Variants in RAPGEF2 observed in about 807,000 individuals in gnomAD.
The protein encoded by RAPGEF2 is PDZ domain containing guanine nucleotide exchange factor (GEF) 1.
RAPGEF2 carries 54 observed loss-of-function variants against 186.7 expected under a neutral mutation model. That is an observed-to-expected ratio of 0.29 (90% CI 0.23 to 0.36). The LOEUF (loss-of-function observed/expected upper bound fraction) is 0.36. Among genes scored for constraint, RAPGEF2 ranks in the 10% least tolerant of loss-of-function variants. The pLI is 1.00. For missense variants in RAPGEF2, 1,532 were observed against 2,045.0 expected, an observed-to-expected ratio of 0.75 and a Z score of 4.84; for synonymous variants, 712 against 705.9, an observed-to-expected ratio of 1.01 and a Z score of -0.14.
Position 159,193,246 on chromosome 4 carries a change from G to A in RAPGEF2, c.187G>A (p.Val63Ile). Residue 63 changes from valine to isoleucine, a missense_variant, in exon 3 of 30, where the codon GTT (valine) becomes ATT (isoleucine). This residue lies in a region of RAPGEF2 where 810 missense variants were observed against 1,210.5 expected (regional missense o/e 0.67). Coordinates refer to ENST00000691494, the MANE Select transcript of RAPGEF2 (RefSeq NM_001394067.2). ...ATATGAGAGACACGAAGCAAATGAAGTTTTATACTAGTAGGTGTTTCCTTT... is the reference window on the plus strand; with the variant it reads ...ATATGAGAGACACGAAGCAAATGAAATTTTATACTAGTAGGTGTTTCCTTT... ...VRYERHEANEVLYYPDDIGTC... is the reference protein window; with the variant it reads ...VRYERHEANEILYYPDDIGTC... 1 of 1,498,096 alleles carries A rather than the reference G, an allele frequency of 6.7e-7. No individual in the cohort carries two copies. Among genetic ancestry groups the A allele is most frequent in the Non-Finnish European group, 8.9e-7 (1 of 1,127,332 alleles). The allele number at this position is 1,498,096 out of a possible 1,614,324, so 92.8% of individuals were successfully genotyped here.
chr4:159,263,950 T>C (rs906853079), intron 7 of RAPGEF2, among the ~76,000 whole-genome samples: 7 of 152,192 alleles, frequency 4.6e-5, no homozygotes, highest in African/African-American at 1.7e-4. Flanking sequence ...TTGGATGTTA[T>C]TGACAGGGTA....
rs145091603 is a variant in RAPGEF2 at position 159,358,005 on chromosome 4, A to T, written c.4958-109A>T. The T allele has an allele frequency of 6.5e-4, 740 of 1,133,930 alleles. 2 individuals are homozygous for T. In the African/African-American group the frequency reaches 0.011, roughly 16 times the overall value. The allele number at this position is 1,133,930 out of a possible 1,614,324, so 70.2% of individuals were successfully genotyped here. On this transcript the variant is annotated intron_variant, in intron 29 of 29. Coordinates refer to ENST00000691494, the MANE Select transcript of RAPGEF2 (RefSeq NM_001394067.2). Reference sequence around the variant, plus strand: ...GGATTCTAAGTGAGCTATACTAAAAAGAATAACTATGATAGTTTTATTTAG... The same window carrying T: ...GGATTCTAAGTGAGCTATACTAAAATGAATAACTATGATAGTTTTATTTAG...
rs765244867 is a variant in RAPGEF2 at position 159,350,153 on chromosome 4, A to G, written c.3729A>G (p.Gln1243=). ...CCATTATAGGCATAAACTCTCCACA[A>G]GCTTTAAAAAAAATTCTTTCTTTGT... ...DLPPFGINSP[Q]ALKKILSLSE... Residue 1243 remains glutamine (Q), a synonymous_variant, in exon 26 of 30, where the codon CAA becomes CAG. Transcript: ENST00000691494. 2 of 1,570,994 alleles carry G rather than the reference A, an allele frequency of 1.3e-6. No homozygotes were observed. Among genetic ancestry groups the G allele is most frequent in the South Asian group, 1.2e-5 (1 of 81,940 alleles).
chr4:159,142,050 CTACGTTGTG>C (rs1284974137), intron 1 of RAPGEF2, among the ~76,000 whole-genome samples: 2 of 152,110 alleles, frequency 1.3e-5, no homozygotes, highest in Non-Finnish European at 2.9e-5. Flanking sequence ...AATGTCTTTT[CTACGTTGTG>C]TACATCTAAG....
chr4:159,175,751 A>T (rs1339826725), intron 1 of RAPGEF2, among the ~76,000 whole-genome samples: 1 of 152,136 alleles, frequency 6.6e-6, no homozygotes, highest in Non-Finnish European at 1.5e-5. Flanking sequence ...CAGCCTGTAT[A>T]GGTGTGAGTT....
At position 159,352,822 on chromosome 4, in the gene RAPGEF2, A is replaced by G. The variant is rs761510781; in HGVS notation, c.4003A>G (p.Arg1335Gly). The G allele has an allele frequency of 6.2e-7, 1 of 1,614,212 alleles. No homozygotes were observed. Among genetic ancestry groups the G allele is most frequent in the Non-Finnish European group, 8.5e-7 (1 of 1,180,044 alleles). The change falls in exon 27 of 30, where the codon AGG (arginine) becomes GGG (glycine). Residue 1335 changes from arginine (R) to glycine (G), a missense_variant. Arg to Gly is a moderately radical substitution (Grantham distance 125). This residue lies in a region of RAPGEF2 where 594 missense variants were observed against 608.5 expected (regional missense o/e 0.98). Coordinates refer to ENST00000691494, the MANE Select transcript of RAPGEF2 (RefSeq NM_001394067.2). ...PVSLHDERRQ[R>G]HSVSIVETNL... ...CTCACTGCACGATGAGAGGCGCCAG[A>G]GGCATTCTGTCAGCATCGTGGAAAC...
chr4:159,318,239 T>G (rs1362437118), intron 9 of RAPGEF2, among the ~76,000 whole-genome samples: 1 of 152,216 alleles, frequency 6.6e-6, no homozygotes, highest in East Asian at 1.9e-4. Context: ...ATGTAAGACC[T>G]TGAAAGATTT....
intron 7 of RAPGEF2, among the ~76,000 whole-genome samples, chr4:159,262,516 G>C (rs1232337593): frequency 1.3e-5 from 2 of 152,162 alleles, no homozygotes; most frequent in African/African-American, 2.4e-5. Flanking sequence ...GTGAAGTCTG[G>C]CCTTTTTAAA....
At chr4:159,275,815 A>C (rs1199024124) in intron 7 of RAPGEF2, among the ~76,000 whole-genome samples, 1 of 152,146 alleles carries the variant, frequency 6.6e-6, no homozygotes, top group Non-Finnish European at 1.5e-5. Flanking sequence ...GAATGTGAAA[A>C]AGCTGAAGAG....
chr4:159,273,650 CTT>C (rs1561188663), intron 7 of RAPGEF2, among the ~76,000 whole-genome samples: 1 of 139,316 alleles, frequency 7.2e-6, no homozygotes, highest in African/African-American at 2.7e-5. Flanking sequence ...TTCTTTCTTT[CTT>C]TCTTTCTTTC....
intron 3 of RAPGEF2, 94 bp from the exon 4 acceptor site, chr4:159,210,406 A>G (rs1051943151): frequency 1.2e-5 from 9 of 722,640 alleles, no homozygotes; most frequent in Non-Finnish European, 2.0e-5. Flanking sequence ...TTATTTTAAA[A>G]GTAATATGGG....
intron 7 of RAPGEF2, among the ~76,000 whole-genome samples, chr4:159,287,310 A>G (rs1760630803): frequency 6.6e-6 from 1 of 152,120 alleles, no homozygotes; most frequent in Non-Finnish European, 1.5e-5. Context: ...TTAACATTTT[A>G]ATAAAATATG....
At chr4:159,174,319 A>G (rs894001048) in intron 1 of RAPGEF2, among the ~76,000 whole-genome samples, 7 of 152,298 alleles carry the variant, frequency 4.6e-5, no homozygotes, top group Middle Eastern at 3.4e-3. Flanking sequence ...GTTTTCTTCA[A>G]TGAGAGATAA....
At chr4:159,166,641 T>G (rs1394088630) in intron 1 of RAPGEF2, among the ~76,000 whole-genome samples, 1 of 152,134 alleles carries the variant, frequency 6.6e-6, no homozygotes, top group Non-Finnish European at 1.5e-5. Flanking sequence ...AAAAGAGGTA[T>G]AGGGTATGGT....
chr4:159,300,986 G>A (rs1156995613), intron 7 of RAPGEF2, among the ~76,000 whole-genome samples: 3 of 152,296 alleles, frequency 2.0e-5, no homozygotes, highest in East Asian at 3.9e-4. Context: ...TCATGGCAGA[G>A]TCAAATCAAT....
At chr4:159,183,015 A>T (rs556479612) in intron 1 of RAPGEF2, among the ~76,000 whole-genome samples, 1 of 152,300 alleles carries the variant, frequency 6.6e-6, no homozygotes, top group Non-Finnish European at 1.5e-5. Context: ...TGCAGATTCA[A>T]TGCAACCCTA....
At chr4:159,126,317 G>A (rs1456621033) in intron 1 of RAPGEF2, among the ~76,000 whole-genome samples, 1 of 152,070 alleles carries the variant, frequency 6.6e-6, no homozygotes, top group Non-Finnish European at 1.5e-5. Context: ...ATACAAAATA[G>A]CATAGGAGAG....
At chr4:159,162,422 C>A (rs1744810399) in intron 1 of RAPGEF2, among the ~76,000 whole-genome samples, 3 of 150,236 alleles carry the variant, frequency 2.0e-5, no homozygotes, top group African/African-American at 4.9e-5. Context: ...GTCTGGGAAT[C>A]TTTATATTGA....
At chr4:159,259,330 A>G (rs1032598032) in intron 7 of RAPGEF2, among the ~76,000 whole-genome samples, 4 of 152,250 alleles carry the variant, frequency 2.6e-5, no homozygotes, top group African/African-American at 9.6e-5. Context: ...AGACTGGGGC[A>G]TAGAATGTCC....
Sources: allele counts gnomAD v4.1 joint callset (sites outside exome capture counted in the v4.1 genomes callset), GRCh38; gene constraint gnomAD v4.1.1; regional missense constraint gnomAD v4.1.1; transcripts MANE v1.5; gene names NCBI Gene and HGNC (gene_info 2026-07-23, HGNC 2026-07-21).